RNF122: variants seen among roughly 807,000 people sequenced by gnomAD.
The protein encoded by RNF122 is ring finger protein 122.
Under a neutral mutation model 24.2 loss-of-function variants are expected in RNF122, and 17 were observed. The observed-to-expected ratio is 0.70, with a 90% CI of 0.48 to 1.06. The LOEUF (loss-of-function observed/expected upper bound fraction) is 1.06. Ranked by LOEUF, RNF122 falls within the 50% of genes least tolerant of loss-of-function variation. RNF122 has a pLI of 0.00. For missense variants in RNF122, 168 were observed against 198.1 expected (o/e 0.85, Z 0.91); for synonymous variants, 65 against 71.8 (o/e 0.91, Z 0.48).
intron 1 of RNF122, among the ~76,000 whole-genome samples, chr8:33,562,635 A>G (rs1359228290): frequency 2.0e-5 from 3 of 152,076 alleles, no homozygotes; most frequent in Non-Finnish European, 4.4e-5. Context: ...ATAGAAAGTG[A>G]GGCTCAGGCC....
At chr8:33,557,220 C>T (rs920272136) in intron 2 of RNF122, among the ~76,000 whole-genome samples, 1 of 152,172 alleles carries the variant, frequency 6.6e-6, no homozygotes, top group Non-Finnish European at 1.5e-5. Flanking sequence ...CTCCAATGTA[C>T]AGAACAGTCC....
intron 2 of RNF122, among the ~76,000 whole-genome samples, chr8:33,558,392 G>A (rs913958696): frequency 6.6e-6 from 1 of 152,128 alleles, no homozygotes; most frequent in African/African-American, 2.4e-5. Flanking sequence ...AGCCCAACCC[G>A]TGGTGACCTT....
rs1424386605 is a variant in RNF122, at chr8:33,548,138, G to C, written c.*615C>G. On this transcript the variant is annotated 3_prime_UTR_variant, in exon 6 of 6. Coordinates refer to ENST00000256257, the MANE Select transcript of RNF122 (RefSeq NM_024787.3). ...TGGATAGCACCGTGGGTCCTGGCAG[G>C]GGAAGGGCCCTCTCTTACTCTGGAG... The C allele has an allele frequency of 2.0e-5, 3 of 152,598 alleles. No homozygotes were observed. Among genetic ancestry groups the C allele is most frequent in the Admixed American group, 2.0e-4 (3 of 15,266 alleles). 9.5% of individuals were successfully genotyped at this position (152,598 alleles called of 1,614,324 possible).
intron 2 of RNF122, among the ~76,000 whole-genome samples, chr8:33,555,528 A>G (rs957478336): frequency 1.3e-5 from 2 of 152,180 alleles, no homozygotes; most frequent in Non-Finnish European, 2.9e-5. Context: ...ACCACAGCCA[A>G]AGAAAAAGAA....
In RNF122 at chr8:33,549,625, A is replaced by G; in HGVS notation, c.271-133T>C. On this transcript the variant is annotated intron_variant, in intron 4 of 5. Coordinates refer to ENST00000256257, the MANE Select transcript of RNF122 (RefSeq NM_024787.3). ...AAACTTTTTAGCCATCCTTTACAAA[A>G]CTATATTGATGGCATGGTAGTCATT... 5 of 649,200 alleles carry G rather than the reference A, an allele frequency of 7.7e-6. 1 individual carries two copies. In the South Asian group the frequency reaches 8.7e-5, roughly 11 times the overall value. 40.2% of individuals were successfully genotyped at this position (649,200 alleles called of 1,614,324 possible). A position where few individuals can be genotyped will look rare whatever the true frequency, so the allele number is the denominator to read the frequency against.
intron 2 of RNF122, 131 bp from the exon 3 acceptor site, chr8:33,551,520 A>G: frequency 2.3e-6 from 2 of 859,252 alleles, no homozygotes. Context: ...ACCACAGGGC[A>G]TACTTTGGAC....
intron 1 of RNF122, among the ~76,000 whole-genome samples, chr8:33,565,895 C>T (rs1222410610): frequency 2.0e-5 from 3 of 152,164 alleles, no homozygotes; most frequent in African/African-American, 7.2e-5. Context: ...CTCTTGTTGC[C>T]CAGGCTGGAG....
rs188852821 is a variant in RNF122, at chr8:33,551,684, G to A, written c.183-295C>T. On this transcript the variant is annotated intron_variant, in intron 2 of 5. Transcript: ENST00000256257. ...TCACTCACCCTGCCTTTTTCTGGTC[G>A]GCAAATTCCTTCAGTCACCAAACTA... is the stretch of plus-strand genomic sequence containing the variant. 7.4e-3 allele frequency among the ~76,000 whole-genome samples: 1,123 copies of A among 152,242 alleles called. 48 individuals carry two copies. Among genetic ancestry groups the A allele is most frequent in the Admixed American group, 0.06 (924 of 15,290 alleles).
chr8:33,562,123 T>C (rs899194118), intron 1 of RNF122, among the ~76,000 whole-genome samples: 2 of 152,178 alleles, frequency 1.3e-5, no homozygotes, highest in Admixed American at 6.6e-5. Context: ...ACAGCACTCA[T>C]GACCTCCATC....
chr8:33,550,697 T>G (rs974580913), intron 4 of RNF122, among the ~76,000 whole-genome samples: 1 of 151,942 alleles, frequency 6.6e-6, no homozygotes, highest in Non-Finnish European at 1.5e-5. Flanking sequence ...ACAACCAGGA[T>G]GTAGGGGCTG....
rs1810492370 is a variant in RNF122, at chr8:33,558,650, GAA to G, written c.145_146del (p.Phe49HisfsTer21). ...AGCAGCAGAAGATAAGGCTGAGCAT[GAA>G]GACAAAGATGCCTGTGCCGAAGATG... is the stretch of plus-strand genomic sequence containing the variant. ...MVIFGTGIFV[F>X]MLSLIFCCYF... is the part of the protein sequence containing the mutation. On this transcript the variant is annotated frameshift_variant, in exon 2 of 6. Transcript: ENST00000256257. LOFTEE classifies it high-confidence loss of function. 2 of 1,611,970 alleles carry G rather than the reference GAA, an allele frequency of 1.2e-6. No individual in the cohort carries two copies. The highest frequency in any genetic ancestry group is 4.5e-5 in the East Asian group (2 of 44,872).
intron 1 of RNF122, among the ~76,000 whole-genome samples, chr8:33,560,417 A>T (rs991131415): frequency 6.6e-6 from 1 of 152,108 alleles, no homozygotes; most frequent in Non-Finnish European, 1.5e-5. Context: ...CTGTCCCTGC[A>T]GGCTGGAGTG....
At chr8:33,566,678 G>T in intron 1 of RNF122, 21 bp downstream of exon 1, 1 of 1,596,578 alleles carries the variant, frequency 6.3e-7, no homozygotes, top group Non-Finnish European at 8.5e-7. Flanking sequence ...CGTAGGCTCG[G>T]CCCTCGCCCC....
At position 33,566,992 on chromosome 8, in the gene RNF122, G is replaced by T. The variant is rs991010831; in HGVS notation, c.-269C>A. 2.2e-5 allele frequency: 11 copies of T among 491,054 alleles called. 1 individual carries two copies. The highest frequency in any genetic ancestry group is 4.0e-5 in the Non-Finnish European group (11 of 273,174). The allele number at this position is 491,054 out of a possible 1,614,324, so 30.4% of individuals were successfully genotyped here. A position where few individuals can be genotyped will look rare whatever the true frequency, so the allele number is the denominator to read the frequency against. ...CACGCGCCAAGGGCCCCGGGCTGGG[G>T]GAATGTGGGGCGCCGCGGGGCGGGG... is the stretch of plus-strand genomic sequence containing the variant. On this transcript the variant is annotated 5_prime_UTR_variant, in exon 1 of 6. Transcript: ENST00000256257.
At chr8:33,565,564 A>C (rs1458470200) in intron 1 of RNF122, among the ~76,000 whole-genome samples, 1 of 152,204 alleles carries the variant, frequency 6.6e-6, no homozygotes, top group Non-Finnish European at 1.5e-5. Flanking sequence ...TGTCCCGCTC[A>C]GAAACACCTA....
chr8:33,554,468 C>T (rs1336794169), intron 2 of RNF122, among the ~76,000 whole-genome samples: 1 of 152,138 alleles, frequency 6.6e-6, no homozygotes, highest in African/African-American at 2.4e-5. Flanking sequence ...AGGGATCCTC[C>T]AAAACTCAGA....
intron 1 of RNF122, among the ~76,000 whole-genome samples, chr8:33,565,297 T>C (rs1233902441): frequency 6.6e-6 from 1 of 151,938 alleles, no homozygotes; most frequent in African/African-American, 2.4e-5. Flanking sequence ...ATGTGGGGTA[T>C]ACATGCTACC....
Position 33,548,666 on chromosome 8 carries a change from T to TAC in RNF122, c.*85_*86dup. ...ACTGGGAAAGTGATCGTCATCACCC[T>TAC]ACAGTCCTGTTGGTTGGAGCTGTGC... On this transcript the variant is annotated 3_prime_UTR_variant, in exon 6 of 6. Transcript: ENST00000256257. 1 of 835,866 alleles carries TAC rather than the reference T, an allele frequency of 1.2e-6. No individual in the cohort carries two copies. Among genetic ancestry groups the TAC allele is most frequent in the East Asian group, 2.4e-5 (1 of 40,922 alleles). 51.8% of individuals were successfully genotyped at this position (835,866 alleles called of 1,614,324 possible). A position where few individuals can be genotyped will look rare whatever the true frequency, so the allele number is the denominator to read the frequency against.
At chr8:33,562,843 G>A (rs987131419) in intron 1 of RNF122, among the ~76,000 whole-genome samples, 1 of 151,876 alleles carries the variant, frequency 6.6e-6, no homozygotes, top group African/African-American at 2.4e-5. Context: ...GAATTACTTC[G>A]ACCTGGGAAG....
Sources: allele counts gnomAD v4.1 joint callset (sites outside exome capture counted in the v4.1 genomes callset), GRCh38; gene constraint gnomAD v4.1.1; transcripts MANE v1.5; gene names NCBI Gene and HGNC (gene_info 2026-07-23, HGNC 2026-07-21).